FBXO25: variants seen among roughly 807,000 people sequenced by gnomAD.
FBXO25 encodes the protein F-box protein 25, also known as F-box only protein 25.
Under a neutral mutation model 51.9 loss-of-function variants are expected in FBXO25, and 45 were observed. The ratio of observed to expected loss-of-function variants is 0.87; its 90% CI spans 0.68 to 1.11. The LOEUF (loss-of-function observed/expected upper bound fraction) is 1.11, where lower values mean the gene tolerates loss of function less well. FBXO25 is among the 50% of genes most tolerant of loss of function. FBXO25 has a pLI of 0.00. For synonymous variants in FBXO25, 199 were observed against 151.0 expected (o/e 1.32, Z -2.33); for missense variants, 507 against 428.5 (o/e 1.18, Z -1.62).
chr8:409,427 A>G (rs921327830), intron 1 of FBXO25, among the ~76,000 whole-genome samples: 1 of 152,220 alleles, frequency 6.6e-6, no homozygotes, highest in South Asian at 2.1e-4. Context: ...CAAACTTATC[A>G]GCTGAGAAAT....
At chr8:421,531 A>T (rs1378883067) in intron 2 of FBXO25, among the ~76,000 whole-genome samples, 4 of 152,326 alleles carry the variant, frequency 2.6e-5, no homozygotes, top group East Asian at 1.9e-4. Flanking sequence ...TACAAATAAG[A>T]AAGGATGGTG....
In FBXO25 at chr8:467,814, C is replaced by T. The variant is rs566148545; in HGVS notation, c.988-901C>T. ...ACGTTGCATCGTGCTGCATCTCATG[C>T]ACGTCATCTTGGCCACTGCCCGGCT... On this transcript the variant is annotated intron_variant, in intron 9 of 9. Transcript: ENST00000350302. 3 of 1,604,422 alleles carry T rather than the reference C, an allele frequency of 1.9e-6. No individual in the cohort carries two copies. The African/African-American group carries it at 4.0e-5, about 21-fold the overall frequency.
At chr8:429,639 G>A (rs1168968729) in intron 2 of FBXO25, among the ~76,000 whole-genome samples, 1 of 152,176 alleles carries the variant, frequency 6.6e-6, no homozygotes, top group Non-Finnish European at 1.5e-5. Context: ...ACCTGACAGT[G>A]TAAAACCCAC....
chr8:435,818 G>T (rs1162012897), intron 5 of FBXO25, 111 bp downstream of exon 5: 39 of 1,452,202 alleles, frequency 2.7e-5, no homozygotes, highest in East Asian at 4.8e-5. Flanking sequence ...AGGTGTGCCT[G>T]TTTGCTGCGT....
rs568433283 is a variant in FBXO25 at position 476,574 on chromosome 8, A to G, written c.*7770A>G. ...AGATTTTCCATTTCTTCATGATTCA[A>G]TCTTGATAGGCTGTGTGTTTCTAAG... On this transcript the variant is annotated 3_prime_UTR_variant, in exon 10 of 10. Transcript: ENST00000350302. 25 of 152,298 alleles carry G rather than the reference A, an allele frequency of 1.6e-4. No individual in the cohort carries two copies. The highest frequency in any genetic ancestry group is 6.0e-4 in the African/African-American group (25 of 41,580). The allele number at this position is 152,298 out of a possible 1,614,324, so 9.4% of individuals were successfully genotyped here. A position where few individuals can be genotyped will look rare whatever the true frequency, so the allele number is the denominator to read the frequency against.
At chr8:440,307 G>T (rs1453115091) in intron 5 of FBXO25, among the ~76,000 whole-genome samples, 6 of 152,240 alleles carry the variant, frequency 3.9e-5, no homozygotes, top group Non-Finnish European at 7.3e-5. Context: ...TCTGTACTCT[G>T]TGTTAGCCAC....
intron 4 of FBXO25, among the ~76,000 whole-genome samples, chr8:433,401 C>T (rs1370248082): frequency 3.9e-5 from 6 of 152,124 alleles, no homozygotes. Flanking sequence ...TTAGCATGAA[C>T]CCCTGATGCT....
At chr8:441,291 G>A (rs1285012682) in intron 5 of FBXO25, among the ~76,000 whole-genome samples, 1 of 152,192 alleles carries the variant, frequency 6.6e-6, no homozygotes, top group Non-Finnish European at 1.5e-5. Context: ...AATAAATGGT[G>A]TTGGAAAAAC....
chr8:412,865 G>A (rs185683625), intron 1 of FBXO25, among the ~76,000 whole-genome samples: 2 of 152,266 alleles, frequency 1.3e-5, no homozygotes, highest in East Asian at 3.9e-4. Flanking sequence ...TATTAGGCCA[G>A]TAAAACCACG....
Position 476,911 on chromosome 8 carries a change from A to C in FBXO25, c.*8107A>C, listed in dbSNP as rs1800662583. The C allele has an allele frequency of 1.3e-5, 2 of 152,004 alleles. No homozygotes were observed. Among genetic ancestry groups the C allele is most frequent in the Admixed American group, 1.3e-4 (2 of 15,252 alleles). 9.4% of individuals were successfully genotyped at this position (152,004 alleles called of 1,614,324 possible). On this transcript the variant is annotated 3_prime_UTR_variant, in exon 10 of 10. Coordinates refer to ENST00000350302, the MANE Select transcript of FBXO25 (RefSeq NM_183420.2). ...AAATTTAGGGTTGACTTGAGATCTT[A>C]ATTTGTTTAATAGGTGTATTTACAG...
Position 432,942 on chromosome 8 carries a change from A to G in FBXO25, c.288+7A>G. ...TAAAGAAAGCACAAAGGAAGTAAGT[A>G]TTCTATTATAAATATGAGAGTATCT... On this transcript the variant is annotated splice_region_variant and intron_variant, in intron 4 of 9. Coordinates refer to ENST00000350302, the MANE Select transcript of FBXO25 (RefSeq NM_183420.2). 1.3e-6 allele frequency: 2 copies of G among 1,554,496 alleles called. No homozygotes were observed. The highest frequency in any genetic ancestry group is 8.7e-7 in the Non-Finnish European group (1 of 1,153,206).
intron 5 of FBXO25, among the ~76,000 whole-genome samples, 169 bp downstream of exon 5, chr8:435,876 T>C (rs1798075438): frequency 6.6e-6 from 1 of 152,224 alleles, no homozygotes; most frequent in Admixed American, 6.5e-5. Flanking sequence ...AACAGTGAGG[T>C]TGGAGGATTT....
At chr8:438,402 C>G (rs1361037843) in intron 5 of FBXO25, among the ~76,000 whole-genome samples, 3 of 152,160 alleles carry the variant, frequency 2.0e-5, no homozygotes, top group Non-Finnish European at 4.4e-5. Context: ...TTTTTTCCAT[C>G]TAAACAGCAA....
chr8:423,840 C>G (rs11993415), intron 2 of FBXO25, among the ~76,000 whole-genome samples: 14,764 of 152,188 alleles, frequency 0.097, 833 homozygotes, highest in African/African-American at 0.15. Flanking sequence ...AATGGTAGTT[C>G]TATTTTAAGT....
chr8:470,515 G>A lies in FBXO25; in HGVS notation c.*1711G>A, dbSNP rs1309174454. On this transcript the variant is annotated 3_prime_UTR_variant, in exon 10 of 10. Coordinates refer to ENST00000350302, the MANE Select transcript of FBXO25 (RefSeq NM_183420.2). The stretch of plus-strand genomic sequence containing the variant: ...CCACCTCAGCCTCCCAAGCAGTCAG[G>A]ACCACAGGCATATACCACCATGCTC... The A allele has an allele frequency of 6.6e-6, 1 of 151,964 alleles. No individual in the cohort carries two copies. Among genetic ancestry groups the A allele is most frequent in the Admixed American group, 6.6e-5 (1 of 15,242 alleles). The allele number at this position is 151,964 out of a possible 1,614,324, so 9.4% of individuals were successfully genotyped here.
At chr8:424,183 A>C (rs576804796) in intron 2 of FBXO25, among the ~76,000 whole-genome samples, 2 of 149,204 alleles carry the variant, frequency 1.3e-5, no homozygotes, top group Admixed American at 1.3e-4. Context: ...CAGTGGCGCA[A>C]TTTCCGCTCA....
chr8:455,521 A>T (rs1209118980), intron 7 of FBXO25, among the ~76,000 whole-genome samples: 1 of 152,198 alleles, frequency 6.6e-6, no homozygotes, highest in Non-Finnish European at 1.5e-5. Context: ...GGCCAGGCAG[A>T]CTGGGCTCGA....
chr8:467,895 G>A lies in FBXO25; in HGVS notation c.988-820G>A, dbSNP rs1800285966. On this transcript the variant is annotated intron_variant, in intron 9 of 9. Transcript: ENST00000350302. ...TCAGGACCCTGAGCAGGGCTGAGTG[G>A]CCACTTTGATCAAACACCTCAGCAA... The A allele has an allele frequency of 7.3e-6, 11 of 1,513,366 alleles. 1 individual carries two copies. Among genetic ancestry groups the A allele is most frequent in the Non-Finnish European group, 9.7e-6 (11 of 1,129,990 alleles). The allele number at this position is 1,513,366 out of a possible 1,614,324, so 93.7% of individuals were successfully genotyped here.
rs1409685985 is a variant in FBXO25, at chr8:469,894, T to A, written c.*1090T>A. 1 of 151,772 alleles carries A rather than the reference T, an allele frequency of 6.6e-6. No individual in the cohort carries two copies. 9.4% of individuals were successfully genotyped at this position (151,772 alleles called of 1,614,324 possible). On this transcript the variant is annotated 3_prime_UTR_variant, in exon 10 of 10. Transcript: ENST00000350302. ...GTTATAAATAGGACTAAAAAAAGAT[T>A]CTGGATTTTTCAGCCCCACTTCTGT...
Sources: allele counts gnomAD v4.1 joint callset (sites outside exome capture counted in the v4.1 genomes callset), GRCh38; gene constraint gnomAD v4.1.1; transcripts MANE v1.5; gene names NCBI Gene and HGNC (gene_info 2026-07-23, HGNC 2026-07-21).